Variants in KAZN observed in about 807,000 individuals in gnomAD.
KAZN encodes the protein kazrin, periplakin interacting protein.
A neutral mutation model predicts 87.4 loss-of-function variants in KAZN; 40 were observed. The observed-to-expected ratio is 0.46, with a 90% confidence interval of 0.36 to 0.60. The LOEUF (loss-of-function observed/expected upper bound fraction) is 0.60. Ranked by LOEUF, KAZN falls within the 20% of genes least tolerant of loss-of-function variation. The pLI is 0.00. For missense variants in KAZN, 898 were observed against 1,073.9 expected (o/e 0.84, Z 2.29); for synonymous variants, 466 against 458.3 (o/e 1.02, Z -0.22).
At chr1:14,795,242 T>G (rs1290152986) in intron 1 of KAZN, among the ~76,000 whole-genome samples, 1 of 152,138 alleles carries the variant, frequency 6.6e-6, no homozygotes, top group African/African-American at 2.4e-5. Flanking sequence ...TTCTGTCCCT[T>G]TAGGACCCTG....
rs181091156 is a variant in KAZN at position 14,638,442 on chromosome 1, G to A, written c.226+39219G>A. 4.0e-3 allele frequency among the ~76,000 whole-genome samples: 614 copies of A among 152,112 alleles called. 5 individuals are homozygous for A. The highest frequency in any genetic ancestry group is 0.014 in the African/African-American group (596 of 41,478). On this transcript the variant is annotated intron_variant, in intron 1 of 14. Coordinates refer to ENST00000376030, the MANE Select transcript of KAZN (RefSeq NM_201628.3). ...AAATTAGCTGGGTGTGATGGCTCAT[G>A]CCTGTAATCCCAGCTACTCGGGAGG...
At chr1:14,758,332 A>ATATTTATT (rs35994176) in intron 1 of KAZN, among the ~76,000 whole-genome samples, 175 of 150,022 alleles carry the variant, frequency 1.2e-3, no homozygotes, top group African/African-American at 2.6e-3. Flanking sequence ...CACCCAACTA[A>ATATTTATT]TATTTATTTA....
At chr1:14,093,241 T>TG (rs1644049224) in intron 1 of KAZN, among the ~76,000 whole-genome samples, 1 of 152,322 alleles carries the variant, frequency 6.6e-6, no homozygotes, top group African/African-American at 2.4e-5. Flanking sequence ...CTTTGCAGTT[T>TG]GGGGCACACC....
chr1:14,809,922 G>T (rs1352726366), intron 1 of KAZN, among the ~76,000 whole-genome samples: 1 of 152,088 alleles, frequency 6.6e-6, no homozygotes. Context: ...ATAATACAAG[G>T]TAACGGGCTA....
At chr1:14,124,029 C>T (rs548611755) in intron 1 of KAZN, among the ~76,000 whole-genome samples, 1 of 152,344 alleles carries the variant, frequency 6.6e-6, no homozygotes, top group Admixed American at 6.5e-5. Flanking sequence ...AAGGGTCTAC[C>T]TTTCTATGAC....
intron 2 of KAZN, among the ~76,000 whole-genome samples, chr1:14,392,437 C>T (rs953241713): frequency 3.3e-5 from 5 of 152,010 alleles, no homozygotes; most frequent in East Asian, 3.9e-4. Context: ...CCTAGTTGGC[C>T]GGTCAGTCTT....
chr1:13,894,324 A>G (rs11576840), intron 1 of KAZN, among the ~76,000 whole-genome samples: 1 of 151,920 alleles, frequency 6.6e-6, no homozygotes, highest in South Asian at 2.1e-4. Context: ...CGTTTTATAC[A>G]GAAGGGAAAG....
chr1:14,910,644 C>T (rs2690011), intron 1 of KAZN, among the ~76,000 whole-genome samples: 127,685 of 152,084 alleles, frequency 0.84, 54,326 homozygotes, highest in South Asian at 0.9. Context: ...ACTATGGCTC[C>T]AGCACAGAGA....
Position 14,835,042 on chromosome 1 carries a change from G to A in KAZN, c.227-125642G>A, listed in dbSNP as rs1445608604. On this transcript the variant is annotated intron_variant, in intron 1 of 14. Coordinates refer to ENST00000376030, the MANE Select transcript of KAZN (RefSeq NM_201628.3). The stretch of plus-strand genomic sequence containing the variant: ...AGTTAAAGCAGGCTTATTTTGGCAA[G>A]CAGGCTTTGAAACAGTTTGTCATAA... Among the ~76,000 whole-genome samples, 7 of 152,362 alleles carry A rather than the reference G, an allele frequency of 4.6e-5. No individual in the cohort carries two copies. In the East Asian group the frequency reaches 1.4e-3, roughly 29 times the overall value.
intron 1 of KAZN, among the ~76,000 whole-genome samples, chr1:14,685,528 C>T (rs1572220347): frequency 2.6e-5 from 4 of 152,316 alleles, no homozygotes; most frequent in Admixed American, 2.6e-4. Flanking sequence ...GGACCAGGGC[C>T]TCCAAATGCT....
At chr1:14,557,777 G>A (rs1674000063) in intron 2 of KAZN, among the ~76,000 whole-genome samples, 1 of 152,018 alleles carries the variant, frequency 6.6e-6, no homozygotes, top group Non-Finnish European at 1.5e-5. Context: ...AAGCTGGAGA[G>A]CCCATTGTGT....
intron 2 of KAZN, among the ~76,000 whole-genome samples, chr1:14,441,375 GGCAGCA>G (rs1049058431): frequency 6.6e-6 from 1 of 151,822 alleles, no homozygotes; most frequent in South Asian, 2.1e-4. Flanking sequence ...CAGCGGCAGC[GGCAGCA>G]GCAGCAGCAG....
intron 2 of KAZN, among the ~76,000 whole-genome samples, chr1:14,442,259 ATATACT>A (rs1666747621): frequency 1.3e-5 from 2 of 152,236 alleles, no homozygotes; most frequent in Non-Finnish European, 2.9e-5. Flanking sequence ...GGCTTTGGCA[ATATACT>A]TATACTTTTG....
rs112010492 is a variant in KAZN, at chr1:14,107,391, T to G, written c.92-73044T>G. Among the ~76,000 whole-genome samples, 810 of 150,876 alleles carry G rather than the reference T, an allele frequency of 5.4e-3. 5 individuals are homozygous for G. The highest frequency in any genetic ancestry group is 0.011 in the African/African-American group (436 of 40,646). ...TGTTTGTTTGTTTGTTTGTTTGTTT[T>G]TTTGCCTGCTTTGTTTTCTTACATC... On this transcript the variant is annotated intron_variant, in intron 1 of 16. Coordinates refer to the KAZN transcript ENST00000636203.
intron 1 of KAZN, among the ~76,000 whole-genome samples, chr1:14,758,159 C>CT (rs1644627320): frequency 1.3e-5 from 2 of 151,226 alleles, no homozygotes; most frequent in Non-Finnish European, 1.5e-5. Context: ...CCCTTCCTCC[C>CT]TCCCTCCCTC....
intron 1 of KAZN, among the ~76,000 whole-genome samples, chr1:14,133,377 A>AG (rs1445931628): frequency 2.8e-5 from 2 of 72,060 alleles, no homozygotes; most frequent in African/African-American, 1.5e-4. Context: ...AAAAAAAAAA[A>AG]AAAGAAAGAA....
At chr1:14,937,977 T>G (rs930533273) in intron 1 of KAZN, among the ~76,000 whole-genome samples, 1 of 152,180 alleles carries the variant, frequency 6.6e-6, no homozygotes, top group Non-Finnish European at 1.5e-5. Context: ...CTTGGTGGTA[T>G]TTAGGGCGTT....
intron 1 of KAZN, among the ~76,000 whole-genome samples, chr1:14,009,075 T>G (rs1640165706): frequency 6.6e-6 from 1 of 152,246 alleles, no homozygotes; most frequent in Admixed American, 6.5e-5. Flanking sequence ...TTTATTTTTG[T>G]GACTGGCTTA....
chr1:14,848,815 G>C (rs989514442), intron 1 of KAZN, among the ~76,000 whole-genome samples: 2 of 152,182 alleles, frequency 1.3e-5, no homozygotes, highest in African/African-American at 4.8e-5. Context: ...CCTCTTCCTC[G>C]GGCTGCACCA....
Sources: gnomAD v4.1 joint callset for allele counts (sites outside exome capture counted in the v4.1 genomes callset) on GRCh38, gnomAD v4.1.1 for gene constraint, MANE v1.5 for transcripts, NCBI Gene and HGNC (gene_info 2026-07-23, HGNC 2026-07-21) for gene names.